Variants in MCC observed in about 807,000 individuals in gnomAD.
MCC encodes the protein MCC regulator of Wnt signaling pathway.
MCC carries 90 observed loss-of-function variants against 116.2 expected under a neutral mutation model. That is an observed-to-expected ratio of 0.77 (90% CI 0.65 to 0.92). MCC has a LOEUF of 0.92. MCC is among the 40% of genes least tolerant of loss of function. MCC has a pLI of 0.00. For missense variants in MCC, 1,516 were observed against 1,312.2 expected (o/e 1.16, Z -2.40); for synonymous variants, 578 against 510.5 (o/e 1.13, Z -1.78).
rs1367284317 is a variant in MCC, at chr5:113,154,489, A to C, written c.628-3067T>G. Among the ~76,000 whole-genome samples the C allele has an allele frequency of 3.3e-5, 5 of 152,184 alleles. No individual in the cohort carries two copies. The South Asian group carries it at 8.3e-4, about 25-fold the overall frequency. ...AGGTGAGGAGAGGAGTGGACTTCCC[A>C]CCACAAGTTTGAGTGCTGGACACTC... is the stretch of plus-strand genomic sequence containing the variant. On this transcript the variant is annotated intron_variant, in intron 3 of 18. Coordinates refer to ENST00000408903, the MANE Select transcript of MCC (RefSeq NM_001085377.2).
At position 113,024,062 on chromosome 5, in the gene MCC, A is replaced by C. The variant is rs1750357446; in HGVS notation, c.*3240T>G. 6.6e-6 allele frequency: 1 copy of C among 152,248 alleles called. No homozygotes were observed. Among genetic ancestry groups the C allele is most frequent in the Non-Finnish European group, 1.5e-5 (1 of 68,048 alleles). The allele number at this position is 152,248 out of a possible 1,614,324, so 9.4% of individuals were successfully genotyped here. On this transcript the variant is annotated 3_prime_UTR_variant, in exon 19 of 19. Transcript: ENST00000408903. ...GTGGTAACTTTCTTTACTACTCCTT[A>C]ACAGCTTTTAAGAAAAAGCCTATGG...
chr5:113,383,184 A>G (rs1441176494), intron 2 of MCC, among the ~76,000 whole-genome samples: 2 of 152,126 alleles, frequency 1.3e-5, no homozygotes, highest in Non-Finnish European at 2.9e-5. Context: ...TTTGATACAC[A>G]TTTACACATT....
At chr5:113,227,837 G>C (rs556401202) in intron 3 of MCC, among the ~76,000 whole-genome samples, 1 of 151,994 alleles carries the variant, frequency 6.6e-6, no homozygotes, top group Non-Finnish European at 1.5e-5. Context: ...CCATTATTCC[G>C]CATTTTTTAG....
At chr5:113,096,380 A>C (rs973427070) in intron 8 of MCC, among the ~76,000 whole-genome samples, 1 of 152,172 alleles carries the variant, frequency 6.6e-6, no homozygotes, top group Non-Finnish European at 1.5e-5. Context: ...TGGCTCATGG[A>C]AAGGCCTGGG....
intron 3 of MCC, among the ~76,000 whole-genome samples, chr5:113,189,585 T>G (rs1007464320): frequency 6.6e-6 from 1 of 152,190 alleles, no homozygotes; most frequent in African/African-American, 2.4e-5. Flanking sequence ...TATCACTAGG[T>G]TGCACTATCT....
At chr5:113,105,763 G>A (rs1228429549) in intron 6 of MCC, among the ~76,000 whole-genome samples, 7 of 152,120 alleles carry the variant, frequency 4.6e-5, no homozygotes, top group South Asian at 2.1e-4. Flanking sequence ...TACTCTCCAC[G>A]CGGTCACCAA....
intron 1 of MCC, among the ~76,000 whole-genome samples, chr5:113,431,764 G>GA (rs1554083094): frequency 1.6e-4 from 3 of 19,274 alleles, no homozygotes; most frequent in Non-Finnish European, 3.8e-4. Flanking sequence ...GGGAGGCCAA[G>GA]GGGGGGGGGG....
intron 3 of MCC, among the ~76,000 whole-genome samples, chr5:113,202,129 A>C (rs1762708468): frequency 6.6e-6 from 1 of 152,080 alleles, no homozygotes; most frequent in African/African-American, 2.4e-5. Flanking sequence ...CGAAGCCACC[A>C]AAATCTGCTG....
At chr5:113,120,526 C>T (rs1438360774) in intron 6 of MCC, among the ~76,000 whole-genome samples, 3 of 152,208 alleles carry the variant, frequency 2.0e-5, no homozygotes, top group Non-Finnish European at 2.9e-5. Flanking sequence ...TCATTTTATT[C>T]CTTCATCTTT....
At chr5:113,035,278 G>A (rs555094001) in intron 17 of MCC, among the ~76,000 whole-genome samples, 1 of 152,102 alleles carries the variant, frequency 6.6e-6, no homozygotes, top group Non-Finnish European at 1.5e-5. Context: ...CTTGACATCT[G>A]TTCAACAGCA....
At chr5:113,400,112 A>ATTT (rs1769640022) in intron 1 of MCC, 4 of 50,908 alleles carry the variant, frequency 7.9e-5, no homozygotes, top group African/African-American at 5.1e-4. Context: ...CTCCTTTTTT[A>ATTT]CTTTTTTTTT....
chr5:113,366,047 A>G (rs192117572), intron 2 of MCC, among the ~76,000 whole-genome samples: 3 of 152,270 alleles, frequency 2.0e-5, no homozygotes, highest in Admixed American at 2.0e-4. Context: ...TCTCTTTCAT[A>G]TTTTACATCT....
At chr5:113,352,216 T>G (rs1442121306) in intron 2 of MCC, among the ~76,000 whole-genome samples, 3 of 152,180 alleles carry the variant, frequency 2.0e-5, no homozygotes, top group Non-Finnish European at 4.4e-5. Flanking sequence ...AGACAAAAAC[T>G]AGTCATTTAA....
At chr5:113,307,615 A>G (rs1767021204) in intron 3 of MCC, among the ~76,000 whole-genome samples, 1 of 152,092 alleles carries the variant, frequency 6.6e-6, no homozygotes, top group African/African-American at 2.4e-5. Context: ...CTTCTTTTAC[A>G]ATCTGGATGT....
intron 3 of MCC, among the ~76,000 whole-genome samples, chr5:113,282,490 G>C (rs1023457318): frequency 6.6e-6 from 1 of 152,168 alleles, no homozygotes; most frequent in Non-Finnish European, 1.5e-5. Flanking sequence ...AAGGCATACT[G>C]ACTTCTGCTC....
intron 8 of MCC, among the ~76,000 whole-genome samples, chr5:113,091,721 C>T (rs969557527): frequency 6.6e-6 from 1 of 152,022 alleles, no homozygotes; most frequent in African/African-American, 2.4e-5. Flanking sequence ...GTCTCTACAA[C>T]AACAACAACA....
At chr5:113,317,656 G>A (rs1767318546) in intron 3 of MCC, among the ~76,000 whole-genome samples, 1 of 152,192 alleles carries the variant, frequency 6.6e-6, no homozygotes, top group African/African-American at 2.4e-5. Context: ...CAATTCTGGA[G>A]CAAAATGTTT....
At chr5:113,465,339 A>G (rs949108527) in intron 1 of MCC, among the ~76,000 whole-genome samples, 1 of 152,108 alleles carries the variant, frequency 6.6e-6, no homozygotes, top group African/African-American at 2.4e-5. Context: ...GGGGAAAATT[A>G]TGTTTTCTAT....
intron 3 of MCC, among the ~76,000 whole-genome samples, chr5:113,192,855 C>A (rs1197416367): frequency 6.6e-6 from 1 of 152,188 alleles, no homozygotes; most frequent in East Asian, 1.9e-4. Context: ...GAAAGTTTTT[C>A]CATTAGGCCT....
Sources: gnomAD v4.1 joint callset for allele counts (sites outside exome capture counted in the v4.1 genomes callset) on GRCh38, gnomAD v4.1.1 for gene constraint, MANE v1.5 for transcripts, NCBI Gene and HGNC (gene_info 2026-07-23, HGNC 2026-07-21) for gene names.